Variants in WDPCP observed in about 807,000 individuals in gnomAD.
WDPCP encodes the protein WD repeat-containing and planar cell polarity effector protein fritz homolog.
Under a neutral mutation model 93.1 loss-of-function variants are expected in WDPCP, and 71 were observed. The observed-to-expected ratio is 0.76, with a 90% CI of 0.63 to 0.93. The LOEUF (loss-of-function observed/expected upper bound fraction) is 0.93, where lower values mean the gene tolerates loss of function less well. Ranked by LOEUF, WDPCP falls within the 40% of genes least tolerant of loss-of-function variation. The pLI, the probability that WDPCP is intolerant of heterozygous loss-of-function variation, is 0.00. For missense variants in WDPCP, 844 were observed against 887.4 expected (o/e 0.95, Z 0.62); for synonymous variants, 315 against 315.0 (o/e 1.00, Z 0.00).
intron 2 of WDPCP, among the ~76,000 whole-genome samples, chr2:63,786,933 C>A (rs1015443358): frequency 3.3e-5 from 5 of 152,092 alleles, no homozygotes; most frequent in Admixed American, 6.6e-5. Context: ...ATATCTGGCA[C>A]ACAATAGTCA....
chr2:63,435,216 T>G (rs895413643), intron 8 of WDPCP, among the ~76,000 whole-genome samples: 4 of 152,106 alleles, frequency 2.6e-5, no homozygotes, highest in African/African-American at 9.7e-5. Context: ...CAGGAAAACT[T>G]GTTAAAGGTC....
intron 2 of WDPCP, among the ~76,000 whole-genome samples, chr2:63,667,843 C>T (rs1044765612): frequency 1.1e-4 from 17 of 152,120 alleles, no homozygotes; most frequent in African/African-American, 4.1e-4. Context: ...CTTTAATATT[C>T]AAATAAAGTA....
At chr2:63,374,041 A>G (rs1575262131) in intron 12 of WDPCP, among the ~76,000 whole-genome samples, 1 of 144,200 alleles carries the variant, frequency 6.9e-6, no homozygotes, top group Non-Finnish European at 1.5e-5. Context: ...TTAGGTTTCC[A>G]CAAGTTTATG....
At chr2:63,139,347 G>A (rs1670891969) in intron 17 of WDPCP, among the ~76,000 whole-genome samples, 1 of 152,162 alleles carries the variant, frequency 6.6e-6, no homozygotes, top group South Asian at 2.1e-4. Context: ...CCAATAGTGG[G>A]GTTGCTGGAT....
chr2:63,661,128 T>C (rs1710221448), intron 2 of WDPCP, among the ~76,000 whole-genome samples: 1 of 152,200 alleles, frequency 6.6e-6, no homozygotes, highest in African/African-American at 2.4e-5. Context: ...CACACAATTA[T>C]TATCTCACAG....
chr2:63,551,350 T>C lies in WDPCP; in HGVS notation c.75+36847A>G, dbSNP rs551265395. 2.6e-5 allele frequency among the ~76,000 whole-genome samples: 4 copies of C among 152,294 alleles called. No individual in the cohort carries two copies. The South Asian group carries it at 8.3e-4, about 32-fold the overall frequency. On this transcript the variant is annotated intron_variant, in intron 1 of 17. Transcript: ENST00000272321. Reference sequence around the variant, plus strand: ...GAGATGGGGCCTGGCGGGAGGTGTTTGGGTCATGGGGGCAGATCTCTCATG... The same window carrying C: ...GAGATGGGGCCTGGCGGGAGGTGTTCGGGTCATGGGGGCAGATCTCTCATG...
At chr2:63,639,408 A>T (rs768510108) in intron 3 of WDPCP, among the ~76,000 whole-genome samples, 20 of 152,252 alleles carry the variant, frequency 1.3e-4, no homozygotes, top group Middle Eastern at 3.4e-3. Context: ...AGCCTCCCAA[A>T]GTGCTGGGAT....
intron 3 of WDPCP, among the ~76,000 whole-genome samples, chr2:63,604,507 C>G (rs1313001414): frequency 2.6e-5 from 4 of 152,320 alleles, no homozygotes; most frequent in Middle Eastern, 3.4e-3. Flanking sequence ...ACAGTTGTTA[C>G]CACTGTTAAG....
intron 13 of WDPCP, among the ~76,000 whole-genome samples, chr2:63,261,073 C>T (rs79669117): frequency 0.015 from 2,214 of 152,120 alleles, 29 homozygotes; most frequent in Non-Finnish European, 0.021. Flanking sequence ...AGTGCTTATA[C>T]GTGAAACATA....
rs1021626022 is a variant in WDPCP, at chr2:63,120,666, A to C, written c.*1340T>G. ...TTCAGCCTCCCAAGTAGTTGGGACT[A>C]CAGGTGCACGCCACCACGCCCGGCT... On this transcript the variant is annotated 3_prime_UTR_variant, in exon 18 of 18. Coordinates refer to ENST00000272321, the MANE Select transcript of WDPCP (RefSeq NM_015910.7). Among the ~76,000 whole-genome samples the C allele has an allele frequency of 1.2e-3, 177 of 151,090 alleles. 1 individual carries two copies. Among genetic ancestry groups the C allele is most frequent in the African/African-American group, 4.0e-3 (163 of 41,182 alleles).
intron 12 of WDPCP, among the ~76,000 whole-genome samples, chr2:63,354,810 A>G (rs1251354862): frequency 6.6e-6 from 1 of 152,186 alleles, no homozygotes; most frequent in Non-Finnish European, 1.5e-5. Flanking sequence ...TGCAATCACA[A>G]ATATTAACAG....
rs561665465 is a variant in WDPCP, at chr2:63,322,983, A to C, written c.1749-9672T>G. Among the ~76,000 whole-genome samples, 10 of 152,342 alleles carry C rather than the reference A, an allele frequency of 6.6e-5. No homozygotes were observed. The South Asian group carries it at 2.1e-3, about 32-fold the overall frequency. ...CAGGCTTTCTGGGAAAGGCCTTTCT[A>C]ACAATCCCTGACTCTTCAGAGTTGG... On this transcript the variant is annotated intron_variant, in intron 12 of 17. Transcript: ENST00000272321.
At chr2:63,483,802 T>A (rs1055096907) in intron 6 of WDPCP, among the ~76,000 whole-genome samples, 6 of 151,976 alleles carry the variant, frequency 3.9e-5, no homozygotes, top group African/African-American at 1.4e-4. Flanking sequence ...ATTCTTTTTA[T>A]CACAAGTATA....
At position 63,290,091 on chromosome 2, in the gene WDPCP, G is replaced by A. The variant is rs115761859; in HGVS notation, c.1812+23157C>T. Among the ~76,000 whole-genome samples, 317 of 151,530 alleles carry A rather than the reference G, an allele frequency of 2.1e-3. 2 individuals are homozygous for A. In the Middle Eastern group the frequency reaches 0.031, roughly 15 times the overall value. On this transcript the variant is annotated intron_variant, in intron 13 of 17. Transcript: ENST00000272321. ...ATCCATCCAGTTTGAACTTACGGTC[G>A]TTATTTATTAATATATTTGGGGTTA...
intron 14 of WDPCP, among the ~76,000 whole-genome samples, chr2:63,190,610 A>C (rs1481230657): frequency 2.0e-5 from 3 of 152,156 alleles, no homozygotes; most frequent in African/African-American, 7.2e-5. Context: ...GGACACCAAG[A>C]GTTAGAAAAA....
intron 2 of WDPCP, among the ~76,000 whole-genome samples, chr2:63,706,657 T>C (rs1312583779): frequency 2.7e-4 from 38 of 139,646 alleles, no homozygotes; most frequent in African/African-American, 7.6e-4. Context: ...TCGCCCAGGC[T>C]GGACTGCGGA....
intron 2 of WDPCP, among the ~76,000 whole-genome samples, chr2:63,785,498 G>C (rs935265891): frequency 6.6e-5 from 10 of 151,822 alleles, no homozygotes; most frequent in Non-Finnish European, 1.2e-4. Flanking sequence ...TTACTTTTCT[G>C]CTTTAATATT....
chr2:63,720,162 A>G (rs1669394155), intron 2 of WDPCP, among the ~76,000 whole-genome samples: 1 of 152,208 alleles, frequency 6.6e-6, no homozygotes, highest in Non-Finnish European at 1.5e-5. Context: ...CATGCCTGTA[A>G]TCCTAGCACT....
At chr2:63,428,208 G>A (rs1455626669) in intron 9 of WDPCP, among the ~76,000 whole-genome samples, 1 of 150,984 alleles carries the variant, frequency 6.6e-6, no homozygotes, top group Non-Finnish European at 1.5e-5. Context: ...AAATTGAGGA[G>A]GAGGGACTCC....
Sources: gnomAD v4.1 joint callset for allele counts (sites outside exome capture counted in the v4.1 genomes callset) on GRCh38, gnomAD v4.1.1 for gene constraint, MANE v1.5 for transcripts, NCBI Gene and HGNC (gene_info 2026-07-23, HGNC 2026-07-21) for gene names.